The following PCNT variants were observed in gnomAD, a reference collection of about 807,000 sequenced individuals.
PCNT encodes pericentrin, also known as kendrin.
A neutral mutation model predicts 380.4 loss-of-function variants in PCNT; 319 were observed. The observed-to-expected ratio is 0.84, with a 90% CI of 0.77 to 0.92. The LOEUF (loss-of-function observed/expected upper bound fraction) is 0.92, where lower values mean the gene tolerates loss of function less well. Among genes scored for constraint, PCNT ranks in the 40% least tolerant of loss-of-function variants. The pLI is 0.00. For synonymous variants in PCNT, 1,845 were observed against 1,735.2 expected (o/e 1.06, Z -1.57); for missense variants, 4,400 against 4,255.3 (o/e 1.03, Z -0.95).
In PCNT at chr21:46,346,822, C is replaced by G; in HGVS notation, c.800C>G (p.Ala267Gly). The stretch of plus-strand genomic sequence containing the variant: ...ACGGCGCAGCTGGAGCTGACACAGG[C>G]CAACCTCCAGAAGGAGAAGGAGACG... Reference protein sequence around the residue: ...MHTAQLELTQANLQKEKETAL... With the variant: ...MHTAQLELTQGNLQKEKETAL... Residue 267 changes from alanine (A) to glycine (G), a missense_variant, in exon 5 of 47, where the codon GCC becomes GGC. Coordinates refer to ENST00000359568, the MANE Select transcript of PCNT (RefSeq NM_006031.6). The G allele has an allele frequency of 1.9e-6, 3 of 1,605,112 alleles. No individual in the cohort carries two copies. The highest frequency in any genetic ancestry group is 2.5e-6 in the Non-Finnish European group (3 of 1,176,506).
chr21:46,355,489 G>C lies in PCNT; in HGVS notation c.1799G>C (p.Ser600Thr), dbSNP rs747022345. Residue 600 changes from serine (S) to threonine (T), a missense_variant, in exon 12 of 47, where the codon AGC (serine) becomes ACC (threonine). By Grantham distance (58) the Ser-to-Thr change is moderately conservative. Coordinates refer to ENST00000359568, the MANE Select transcript of PCNT (RefSeq NM_006031.6). ...CGCTTCCAGGCGGAGTTAGAAGAAA[G>C]CCACAGGCACCAGCTGGAAGCGCTG... ...LPRFQAELEE[S>T]HRHQLEALES... is the part of the protein sequence containing the mutation. 3.7e-6 allele frequency: 6 copies of C among 1,614,062 alleles called. No individual in the cohort carries two copies. The highest frequency in any genetic ancestry group is 1.1e-5 in the South Asian group (1 of 91,086).
chr21:46,358,649 G>A (rs2084568569), intron 13 of PCNT, among the ~76,000 whole-genome samples: 1 of 143,560 alleles, frequency 7.0e-6, no homozygotes, highest in Non-Finnish European at 1.5e-5. Context: ...TTTTGAGACT[G>A]AGTCTTGCTC....
In PCNT at chr21:46,416,843, G is replaced by C. The variant is rs1751546125; in HGVS notation, c.6921+4G>C. On this transcript the variant is annotated splice_donor_region_variant and intron_variant, in intron 30 of 46. Coordinates refer to ENST00000359568, the MANE Select transcript of PCNT (RefSeq NM_006031.6). ...CCATGTGCAGAGGACGGCTGTGGTA[G>C]GTGCCTGCTCTGCTCCCAGGCCTGC... 6.9e-6 allele frequency: 11 copies of C among 1,597,256 alleles called. No homozygotes were observed. Among genetic ancestry groups the C allele is most frequent in the Non-Finnish European group, 9.3e-6 (11 of 1,179,648 alleles).
Position 46,422,038 on chromosome 21 carries a change from C to G in PCNT, c.7093C>G (p.Pro2365Ala). The G allele has an allele frequency of 6.2e-7, 1 of 1,614,000 alleles. No homozygotes were observed. Among genetic ancestry groups the G allele is most frequent in the East Asian group, 2.2e-5 (1 of 44,864 alleles). Residue 2365 changes from proline to alanine, a missense_variant, in exon 32 of 47, where the codon CCT becomes GCT. Pro to Ala is a conservative substitution (Grantham distance 27, BLOSUM62 -1). Transcript: ENST00000359568. ...AGGCCCTGAGGCTCAAACTGCTGGT[C>G]CTGTGACCCCTGCTTCCATCTCTGG... ...SGGPEAQTAGPVTPASISGRF... is the reference protein window; with the variant it reads ...SGGPEAQTAGAVTPASISGRF...
chr21:46,326,629 C>T lies in PCNT; in HGVS notation c.267+40C>T, dbSNP rs779708074. On this transcript the variant is annotated intron_variant, in intron 2 of 46. Transcript: ENST00000359568. The stretch of plus-strand genomic sequence containing the variant: ...TGTTGTATTTGAACATTTCGCTTAT[C>T]TTCTAGTGATTTCTAGTGTGATTTA... 3.4e-5 allele frequency: 54 copies of T among 1,576,218 alleles called. No individual in the cohort carries two copies. The South Asian group carries it at 5.9e-4, about 17-fold the overall frequency.
Position 46,443,964 on chromosome 21 carries a change from T to C in PCNT, c.9839+16T>C. 6.2e-7 allele frequency: 1 copy of C among 1,608,596 alleles called. No homozygotes were observed. Among genetic ancestry groups the C allele is most frequent in the South Asian group, 1.1e-5 (1 of 90,902 alleles). Reference sequence around the variant, plus strand: ...GTGGGGGAAGGTCAGTGTGATGCCTTCAGGCCCCGTCTCCTGCCAGGGCTC... The same window carrying C: ...GTGGGGGAAGGTCAGTGTGATGCCTCCAGGCCCCGTCTCCTGCCAGGGCTC... On this transcript the variant is annotated intron_variant, in intron 45 of 46. Coordinates refer to ENST00000359568, the MANE Select transcript of PCNT (RefSeq NM_006031.6).
intron 13 of PCNT, among the ~76,000 whole-genome samples, chr21:46,360,429 G>A (rs1000531781): frequency 4.3e-5 from 6 of 139,022 alleles, no homozygotes; most frequent in African/African-American, 1.1e-4. Context: ...AGGTTTCACC[G>A]TGTTAGGATG....
chr21:46,430,473 C>T (rs1160019394), intron 36 of PCNT, 34 bp from the exon 37 acceptor site: 9 of 1,548,942 alleles, frequency 5.8e-6, no homozygotes, highest in South Asian at 3.6e-5. Context: ...CTCTGGCCCA[C>T]GTGGTCAGAT....
chr21:46,420,962 G>C (rs966863234), intron 31 of PCNT: 1 of 152,306 alleles, frequency 6.6e-6, no homozygotes, highest in African/African-American at 2.4e-5. Flanking sequence ...GCGGTGGGTG[G>C]CCTGAGGCAT....
At chr21:46,444,647 C>CTTTTT (rs3058084) in intron 45 of PCNT, 47 bp from the exon 46 acceptor site, 5 of 1,472,574 alleles carry the variant, frequency 3.4e-6, no homozygotes, top group African/African-American at 1.5e-5. Flanking sequence ...AAACTCAACT[C>CTTTTT]TTTTTTTTTT....
At chr21:46,326,104 C>G (rs1401667553) in intron 1 of PCNT, among the ~76,000 whole-genome samples, 1 of 152,176 alleles carries the variant, frequency 6.6e-6, no homozygotes, top group African/African-American at 2.4e-5. Context: ...TTTTATTTTT[C>G]TGTAAACTGC....
intron 21 of PCNT, among the ~76,000 whole-genome samples, chr21:46,393,402 C>T (rs532017561): frequency 1.1e-4 from 17 of 152,256 alleles, no homozygotes; most frequent in Admixed American, 6.5e-4. Context: ...TCTGGGCGTC[C>T]GTTGTCGCTG....
At chr21:46,350,159 ACAGCGAGCCT>A (rs2084214492) in intron 8 of PCNT, among the ~76,000 whole-genome samples, 1 of 152,226 alleles carries the variant, frequency 6.6e-6, no homozygotes, top group Non-Finnish European at 1.5e-5. Context: ...ATCCTGGGCA[ACAGCGAGCCT>A]CCGTCTCAAA....
chr21:46,400,672 A>C (rs985189033), intron 25 of PCNT, among the ~76,000 whole-genome samples: 9 of 152,012 alleles, frequency 5.9e-5, no homozygotes, highest in African/African-American at 2.2e-4. Flanking sequence ...GGCACGCGCC[A>C]CCACGCCTGG....
intron 3 of PCNT, among the ~76,000 whole-genome samples, chr21:46,335,334 T>C (rs1329577686): frequency 6.6e-6 from 1 of 152,180 alleles, no homozygotes; most frequent in Non-Finnish European, 1.5e-5. Context: ...TATTGACATG[T>C]TTTTTGTTAG....
In PCNT at chr21:46,385,878, G is replaced by T. The variant is rs777563319; in HGVS notation, c.3359G>T (p.Arg1120Leu). The T allele has an allele frequency of 6.2e-7, 1 of 1,614,160 alleles. No homozygotes were observed. The highest frequency in any genetic ancestry group is 1.1e-5 in the South Asian group (1 of 91,080). ...TTAAGTCACGAGATAGAAGAGTGCC[G>T]CTCCGAGTTGGAGGTGCTGCAGCAG... ...LSLSHEIEEC[R>L]SELEVLQQRR... Residue 1120 changes from arginine to leucine, a missense_variant, in exon 17 of 47, where the codon CGC becomes CTC. Transcript: ENST00000359568.
intron 29 of PCNT, among the ~76,000 whole-genome samples, chr21:46,413,742 T>C (rs1300478521): frequency 6.6e-6 from 1 of 152,222 alleles, no homozygotes; most frequent in African/African-American, 2.4e-5. Context: ...TTTATTCTTG[T>C]AATCTGTTCA....
In PCNT at chr21:46,444,689, T is replaced by G; in HGVS notation, c.9840-5T>G. On this transcript the variant is annotated splice_polypyrimidine_tract_variant and splice_region_variant and intron_variant, in intron 45 of 46. Coordinates refer to ENST00000359568, the MANE Select transcript of PCNT (RefSeq NM_006031.6). ...TCTTCTCTTGGTGTGGTAATTTGTT[T>G]GAAGAGCCACTCCATCCCCAAATTC... is the stretch of plus-strand genomic sequence containing the variant. 6.2e-7 allele frequency: 1 copy of G among 1,609,656 alleles called. No individual in the cohort carries two copies. Among genetic ancestry groups the G allele is most frequent in the Non-Finnish European group, 8.5e-7 (1 of 1,177,782 alleles).
At chr21:46,328,996 G>A (rs1237854392) in intron 2 of PCNT, among the ~76,000 whole-genome samples, 2 of 150,714 alleles carry the variant, frequency 1.3e-5, no homozygotes, top group Non-Finnish European at 1.5e-5. Flanking sequence ...GGCTGGTCTC[G>A]AACTCCTGAC....
Sources: allele counts gnomAD v4.1 joint callset (sites outside exome capture counted in the v4.1 genomes callset), GRCh38; gene constraint gnomAD v4.1.1; transcripts MANE v1.5; gene names NCBI Gene and HGNC (gene_info 2026-07-23, HGNC 2026-07-21).